The following LPAR1 variants were observed in gnomAD, a reference collection of about 807,000 sequenced individuals.
The protein encoded by LPAR1 is LPA receptor 1.
LPAR1 carries 5 observed loss-of-function variants against 23.8 expected under a neutral mutation model. The ratio of observed to expected loss-of-function variants is 0.21; its 90% CI spans 0.11 to 0.44. The LOEUF (loss-of-function observed/expected upper bound fraction) is 0.44, where lower values mean the gene tolerates loss of function less well. Ranked by LOEUF, LPAR1 falls within the 20% of genes least tolerant of loss-of-function variation. The probability of loss-of-function intolerance (pLI) is 0.99; values close to 1 mark genes in which losing one functional copy is unlikely to be tolerated. For missense variants in LPAR1, 311 were observed against 482.8 expected (o/e 0.64, Z 3.33); for synonymous variants, 160 against 164.7 (o/e 0.97, Z 0.22).
chr9:110,944,257 T>C lies in LPAR1; in HGVS notation c.46-2089A>G, dbSNP rs548118787. On this transcript the variant is annotated intron_variant, in intron 4 of 5. Transcript: ENST00000683809. ...ACTGTATCATAATTGCTTAATTATCTGTTGATCCCCTCTACACTAGGCTAT... is the reference window on the plus strand; with the variant it reads ...ACTGTATCATAATTGCTTAATTATCCGTTGATCCCCTCTACACTAGGCTAT... Among the ~76,000 whole-genome samples, 38 of 152,308 alleles carry C rather than the reference T, an allele frequency of 2.5e-4. No individual in the cohort carries two copies. The South Asian group carries it at 7.9e-3, about 32-fold the overall frequency.
chr9:110,890,493 A>C (rs2083783448), intron 5 of LPAR1, among the ~76,000 whole-genome samples: 1 of 152,186 alleles, frequency 6.6e-6, no homozygotes, highest in African/African-American at 2.4e-5. Flanking sequence ...TCCCCCCCAC[A>C]AAACTACAGA....
At chr9:110,935,346 T>C (rs907145578) in intron 5 of LPAR1, among the ~76,000 whole-genome samples, 1 of 151,476 alleles carries the variant, frequency 6.6e-6, no homozygotes, top group Non-Finnish European at 1.5e-5. Flanking sequence ...GATGTGGGAG[T>C]TGGATGATAT....
At chr9:110,917,136 A>C (rs568181678) in intron 5 of LPAR1, among the ~76,000 whole-genome samples, 1 of 151,682 alleles carries the variant, frequency 6.6e-6, no homozygotes, top group East Asian at 1.9e-4. Context: ...TCAGGAGTTC[A>C]AGACCAGCCT....
chr9:110,915,501 A>T (rs2092986721), intron 5 of LPAR1, among the ~76,000 whole-genome samples: 1 of 152,122 alleles, frequency 6.6e-6, no homozygotes, highest in Admixed American at 6.6e-5. Flanking sequence ...AGCAGAGATC[A>T]CGCCATTGCA....
intron 5 of LPAR1, among the ~76,000 whole-genome samples, chr9:110,911,498 T>G (rs2092428116): frequency 6.6e-6 from 1 of 151,862 alleles, no homozygotes; most frequent in African/African-American, 2.4e-5. Flanking sequence ...ACCAAGACTG[T>G]GCCACTGCAC....
chr9:110,972,215 G>T lies in LPAR1; in HGVS notation c.-98C>A. Reference sequence around the variant, plus strand: ...GATCGAAGTCATGCTAGGAGAAGCTGTGTACCTGGAAAACAACAGGAAAAC... The same window carrying T: ...GATCGAAGTCATGCTAGGAGAAGCTTTGTACCTGGAAAACAACAGGAAAAC... On this transcript the variant is annotated 5_prime_UTR_variant, in exon 4 of 6. Transcript: ENST00000683809. The T allele has an allele frequency of 9.3e-7, 1 of 1,072,224 alleles. No homozygotes were observed. Among genetic ancestry groups the T allele is most frequent in the Non-Finnish European group, 1.4e-6 (1 of 693,630 alleles). 66.4% of individuals were successfully genotyped at this position (1,072,224 alleles called of 1,614,324 possible).
chr9:110,910,510 A>G (rs2092284276), intron 5 of LPAR1, among the ~76,000 whole-genome samples: 2 of 152,220 alleles, frequency 1.3e-5, no homozygotes, highest in Admixed American at 6.5e-5. Flanking sequence ...CCCAATATCC[A>G]TTCTGCAGCC....
chr9:110,919,727 G>A (rs930518550), intron 5 of LPAR1, among the ~76,000 whole-genome samples: 8 of 152,112 alleles, frequency 5.3e-5, no homozygotes, highest in South Asian at 2.1e-4. Context: ...AAAATGCTTC[G>A]CTGGAGAACC....
intron 2 of LPAR1, among the ~76,000 whole-genome samples, chr9:111,016,666 C>T (rs1011593423): frequency 7.9e-5 from 12 of 152,216 alleles, no homozygotes; most frequent in African/African-American, 2.7e-4. Flanking sequence ...AGCTTAATAA[C>T]CTTGAACTTA....
chr9:110,997,718 C>A (rs746357287), intron 2 of LPAR1, among the ~76,000 whole-genome samples: 14 of 152,168 alleles, frequency 9.2e-5, no homozygotes, highest in Non-Finnish European at 1.9e-4. Context: ...GAGTTCTTCA[C>A]AGATACTTGG....
chr9:111,024,911 A>G (rs979305340), intron 2 of LPAR1, among the ~76,000 whole-genome samples: 4 of 152,100 alleles, frequency 2.6e-5, no homozygotes, highest in African/African-American at 9.7e-5. Context: ...AGTATTCCAC[A>G]GTGTATATGT....
intron 5 of LPAR1, among the ~76,000 whole-genome samples, chr9:110,878,581 G>A (rs534725601): frequency 1.2e-4 from 18 of 152,240 alleles, no homozygotes; most frequent in Admixed American, 6.5e-4. Flanking sequence ...AGAGTTCAGC[G>A]TACACCTGAA....
intron 2 of LPAR1, among the ~76,000 whole-genome samples, chr9:110,975,892 G>A (rs374836927): frequency 8.5e-4 from 129 of 152,194 alleles, no homozygotes; most frequent in African/African-American, 2.9e-3. Flanking sequence ...TTACAAGAAC[G>A]CTTTATAAAA....
intron 5 of LPAR1, among the ~76,000 whole-genome samples, chr9:110,932,164 G>A (rs2094456050): frequency 1.3e-5 from 2 of 151,998 alleles, no homozygotes; most frequent in Non-Finnish European, 1.5e-5. Flanking sequence ...TTGTAACTAG[G>A]CAACCTGTAA....
intron 5 of LPAR1, among the ~76,000 whole-genome samples, chr9:110,913,605 T>TA (rs2092724064): frequency 6.6e-6 from 1 of 152,138 alleles, no homozygotes; most frequent in Non-Finnish European, 1.5e-5. Context: ...AACTATGTAA[T>TA]AATCAGAGTA....
chr9:111,021,517 TA>T (rs1564362407), intron 2 of LPAR1, among the ~76,000 whole-genome samples: 1 of 152,206 alleles, frequency 6.6e-6, no homozygotes, highest in Non-Finnish European at 1.5e-5. Flanking sequence ...AAATGTGGAA[TA>T]TATATAACTT....
intron 5 of LPAR1, among the ~76,000 whole-genome samples, chr9:110,906,200 T>G (rs2091173249): frequency 6.6e-6 from 1 of 152,178 alleles, no homozygotes; most frequent in African/African-American, 2.4e-5. Context: ...ACTTCTAAGA[T>G]CCCTGGAACT....
chr9:110,880,459 C>A (rs941759577), intron 5 of LPAR1, among the ~76,000 whole-genome samples: 1 of 152,156 alleles, frequency 6.6e-6, no homozygotes, highest in African/African-American at 2.4e-5. Flanking sequence ...TTGAACTTTG[C>A]TTACATATGG....
intron 5 of LPAR1, among the ~76,000 whole-genome samples, chr9:110,891,979 G>A (rs1588159505): frequency 6.6e-6 from 1 of 152,172 alleles, no homozygotes; most frequent in East Asian, 1.9e-4. Flanking sequence ...AAACAGTTTG[G>A]CAGCTTCCTC....
Sources: gnomAD v4.1 joint callset for allele counts (sites outside exome capture counted in the v4.1 genomes callset) on GRCh38, gnomAD v4.1.1 for gene constraint, MANE v1.5 for transcripts, NCBI Gene and HGNC (gene_info 2026-07-23, HGNC 2026-07-21) for gene names.